The following KCND3 variants were observed in gnomAD, a reference collection of about 807,000 sequenced individuals.
KCND3 encodes A-type voltage-gated potassium channel KCND3.
In KCND3, 9 loss-of-function variants were observed where a neutral mutation model predicts 51.1. That is an observed-to-expected ratio of 0.18 (90% CI 0.11 to 0.31). The LOEUF is 0.31. KCND3 is among the 10% of genes least tolerant of loss of function. The pLI is 1.00. For missense variants in KCND3, 526 were observed against 903.8 expected (o/e 0.58, Z 5.36); for synonymous variants, 349 against 368.0 (o/e 0.95, Z 0.59).
chr1:111,978,584 T>C (rs948733520), intron 2 of KCND3, among the ~76,000 whole-genome samples: 15 of 152,140 alleles, frequency 9.9e-5, no homozygotes, highest in African/African-American at 3.4e-4. Flanking sequence ...GTCACGTCAG[T>C]GAAACCTCCA....
intron 2 of KCND3, among the ~76,000 whole-genome samples, chr1:111,935,404 C>T (rs1672171806): frequency 2.0e-5 from 3 of 152,190 alleles, no homozygotes; most frequent in African/African-American, 4.8e-5. Context: ...AATTGACTTG[C>T]CTGTTTTTAC....
intron 2 of KCND3, among the ~76,000 whole-genome samples, chr1:111,902,401 G>A (rs931164863): frequency 1.7e-4 from 26 of 152,210 alleles, no homozygotes; most frequent in African/African-American, 5.3e-4. Flanking sequence ...ACAAAGGTGA[G>A]TGCGGATGAG....
intron 2 of KCND3, among the ~76,000 whole-genome samples, chr1:111,848,581 C>T (rs1490296542): frequency 6.6e-6 from 1 of 152,224 alleles, no homozygotes; most frequent in East Asian, 1.9e-4. Context: ...ACTCCATTCC[C>T]TAGGCACTGC....
chr1:111,987,551 C>T (rs886885411), intron 1 of KCND3, among the ~76,000 whole-genome samples: 4 of 152,168 alleles, frequency 2.6e-5, no homozygotes, highest in Non-Finnish European at 5.9e-5. Flanking sequence ...CCACCAGATA[C>T]CATATCCAAG....
intron 2 of KCND3, among the ~76,000 whole-genome samples, chr1:111,926,903 TC>T (rs1321951951): frequency 6.6e-6 from 1 of 152,254 alleles, no homozygotes; most frequent in East Asian, 1.9e-4. Context: ...CCTGGTCTCT[TC>T]CCCTTCTGTC....
At chr1:111,958,506 A>G (rs1369528678) in intron 2 of KCND3, among the ~76,000 whole-genome samples, 6 of 152,226 alleles carry the variant, frequency 3.9e-5, no homozygotes, top group African/African-American at 1.2e-4. Context: ...CTGCTAGGGA[A>G]CTAGGGAGCA....
chr1:111,954,041 G>A (rs546392878), intron 2 of KCND3, among the ~76,000 whole-genome samples: 3 of 152,218 alleles, frequency 2.0e-5, no homozygotes, highest in African/African-American at 7.2e-5. Context: ...TGTACTCTCC[G>A]CCCTTCCCTG....
intron 2 of KCND3, among the ~76,000 whole-genome samples, chr1:111,799,683 G>T (rs1665207922): frequency 6.6e-6 from 1 of 152,208 alleles, no homozygotes; most frequent in African/African-American, 2.4e-5. Context: ...GCCCATCGCA[G>T]AGCGCAATGA....
chr1:111,894,416 C>G (rs879157899), intron 2 of KCND3, among the ~76,000 whole-genome samples: 2 of 152,194 alleles, frequency 1.3e-5, no homozygotes, highest in Admixed American at 1.3e-4. Flanking sequence ...TCTCTCCCAC[C>G]CTACCCTGTT....
chr1:111,889,745 T>C (rs1424931386), intron 2 of KCND3, among the ~76,000 whole-genome samples: 2 of 151,992 alleles, frequency 1.3e-5, no homozygotes, highest in Admixed American at 1.3e-4. Context: ...TTACATAAGA[T>C]AACACAGACA....
chr1:111,865,463 T>G (rs1668514309), intron 2 of KCND3, among the ~76,000 whole-genome samples: 1 of 152,182 alleles, frequency 6.6e-6, no homozygotes, highest in Non-Finnish European at 1.5e-5. Context: ...CTCATCACAG[T>G]GGATCTTGTC....
chr1:111,795,091 AC>A (rs1664999159), intron 2 of KCND3, among the ~76,000 whole-genome samples: 2 of 152,190 alleles, frequency 1.3e-5, no homozygotes, highest in South Asian at 4.1e-4. Context: ...CCACAATTCT[AC>A]AAAAACACTT....
chr1:111,891,968 CTGTG>C (rs756965891), intron 2 of KCND3, among the ~76,000 whole-genome samples: 4 of 123,908 alleles, frequency 3.2e-5, no homozygotes, highest in African/African-American at 1.1e-4. Context: ...GCGTGTGTGT[CTGTG>C]TGTGTGTCTG....
chr1:111,953,805 C>T (rs1442812665), intron 2 of KCND3, among the ~76,000 whole-genome samples: 2 of 152,224 alleles, frequency 1.3e-5, no homozygotes, highest in Non-Finnish European at 2.9e-5. Flanking sequence ...GCCCTGCTCT[C>T]CTCTCCCTGC....
At chr1:111,886,369 A>G (rs1162704093) in intron 2 of KCND3, among the ~76,000 whole-genome samples, 2 of 152,220 alleles carry the variant, frequency 1.3e-5, no homozygotes, top group African/African-American at 4.8e-5. Flanking sequence ...GTGTGTACAA[A>G]GAACAGTGAC....
intron 2 of KCND3, among the ~76,000 whole-genome samples, chr1:111,928,641 G>A (rs938089016): frequency 1.3e-5 from 2 of 152,232 alleles, no homozygotes; most frequent in African/African-American, 4.8e-5. Flanking sequence ...AAAACTGAGT[G>A]AACAGTGGCA....
intron 2 of KCND3, among the ~76,000 whole-genome samples, chr1:111,974,144 G>A (rs1347624187): frequency 6.6e-6 from 1 of 152,172 alleles, no homozygotes; most frequent in Admixed American, 6.5e-5. Context: ...GGAGGTAAGA[G>A]TGGGGAAAAG....
At chr1:111,864,340 G>T (rs1668461084) in intron 2 of KCND3, among the ~76,000 whole-genome samples, 1 of 152,182 alleles carries the variant, frequency 6.6e-6, no homozygotes, top group Admixed American at 6.5e-5. Context: ...TTCAGCTCTA[G>T]GGGAGGGTCC....
chr1:111,978,902 A>G (rs1674791744), intron 2 of KCND3, among the ~76,000 whole-genome samples: 1 of 152,246 alleles, frequency 6.6e-6, no homozygotes, highest in African/African-American at 2.4e-5. Context: ...GAGCCTGGTA[A>G]TGGTGTCAAC....
Sources: gnomAD v4.1 joint callset for allele counts (sites outside exome capture counted in the v4.1 genomes callset) on GRCh38, gnomAD v4.1.1 for gene constraint, MANE v1.5 for transcripts, NCBI Gene and HGNC (gene_info 2026-07-23, HGNC 2026-07-21) for gene names.